The following ZMAT4 variants were observed in gnomAD, a reference collection of about 807,000 sequenced individuals.
The protein encoded by ZMAT4 is zinc finger matrin-type 4, also known as zinc finger matrin-type protein 4.
ZMAT4 carries 17 observed loss-of-function variants against 28.7 expected under a neutral mutation model. That is an observed-to-expected ratio of 0.59 (90% CI 0.41 to 0.89). The LOEUF is 0.89. Among genes scored for constraint, ZMAT4 ranks in the 40% least tolerant of loss-of-function variants. The probability of loss-of-function intolerance (pLI) is 0.00; values close to 1 mark genes in which losing one functional copy is unlikely to be tolerated. For missense variants in ZMAT4, 240 were observed against 283.8 expected (o/e 0.85, Z 1.11); for synonymous variants, 117 against 109.2 (o/e 1.07, Z -0.44).
chr8:40,694,030 C>G (rs187911990), intron 4 of ZMAT4, among the ~76,000 whole-genome samples: 13 of 152,212 alleles, frequency 8.5e-5, no homozygotes, highest in Admixed American at 3.9e-4. Context: ...GTTTCTCTTA[C>G]ATCTTGATTC....
At chr8:40,645,965 G>A (rs987684345) in intron 5 of ZMAT4, among the ~76,000 whole-genome samples, 1 of 151,886 alleles carries the variant, frequency 6.6e-6, no homozygotes, top group African/African-American at 2.4e-5. Flanking sequence ...TCCTTATTGT[G>A]AGTTATTCAC....
rs560773099 is a variant in ZMAT4, at chr8:40,842,413, C to T, written c.-4-16733G>A. On this transcript the variant is annotated intron_variant, in intron 1 of 6. Transcript: ENST00000297737. ...GGGTCTTGTAATCCTTATTAAAGCACTCCAGTTATCTTCCAGTTATCTTTC... is the reference window on the plus strand; with the variant it reads ...GGGTCTTGTAATCCTTATTAAAGCATTCCAGTTATCTTCCAGTTATCTTTC... 1.8e-4 allele frequency among the ~76,000 whole-genome samples: 27 copies of T among 152,372 alleles called. 1 individual carries two copies. Among genetic ancestry groups the T allele is most frequent in the Non-Finnish European group, 2.9e-4 (20 of 68,044 alleles).
chr8:40,858,133 G>A (rs192435736), intron 1 of ZMAT4, among the ~76,000 whole-genome samples: 5 of 152,216 alleles, frequency 3.3e-5, no homozygotes, highest in African/African-American at 7.2e-5. Flanking sequence ...GCGTTTTATC[G>A]TATGCTTTAA....
At chr8:40,565,270 T>G (rs1316350541) in intron 6 of ZMAT4, among the ~76,000 whole-genome samples, 2 of 152,136 alleles carry the variant, frequency 1.3e-5, no homozygotes, top group Admixed American at 1.3e-4. Context: ...CCAGAAAATA[T>G]GAGTTTCTAA....
chr8:40,623,901 T>G (rs1335607962), intron 5 of ZMAT4, among the ~76,000 whole-genome samples: 1 of 152,122 alleles, frequency 6.6e-6, no homozygotes, highest in Non-Finnish European at 1.5e-5. Flanking sequence ...TGGCCCTTTG[T>G]CCCTGGATCC....
At position 40,540,098 on chromosome 8, in the gene ZMAT4, G is replaced by A. The variant is rs191943775; in HGVS notation, c.675-7860C>T. The stretch of plus-strand genomic sequence containing the variant: ...AGCTCAGTTGAGTGAACACATCAGC[G>A]TGATGAGGGAGTATTGTGTCTTGAT... On this transcript the variant is annotated intron_variant, in intron 6 of 6. Transcript: ENST00000297737. Among the ~76,000 whole-genome samples, 185 of 152,296 alleles carry A rather than the reference G, an allele frequency of 1.2e-3. 2 individuals carry two copies. In the South Asian group the frequency reaches 0.025, roughly 20 times the overall value.
At chr8:40,606,894 AT>A (rs202012998) in intron 5 of ZMAT4, among the ~76,000 whole-genome samples, 1 of 151,982 alleles carries the variant, frequency 6.6e-6, no homozygotes, top group Admixed American at 6.6e-5. Flanking sequence ...GGCTTTGTTC[AT>A]TTTTTTAAAA....
intron 3 of ZMAT4, among the ~76,000 whole-genome samples, chr8:40,737,265 T>A (rs1026279724): frequency 6.6e-6 from 1 of 152,138 alleles, no homozygotes; most frequent in Non-Finnish European, 1.5e-5. Context: ...GTAGTTTATG[T>A]GTGGTCCAAG....
chr8:40,607,387 C>T (rs1470069894), intron 5 of ZMAT4, among the ~76,000 whole-genome samples: 1 of 152,082 alleles, frequency 6.6e-6, no homozygotes, highest in Non-Finnish European at 1.5e-5. Context: ...CACTCAGCCT[C>T]CCAAAGTACT....
At chr8:40,773,698 G>A (rs911524577) in intron 2 of ZMAT4, among the ~76,000 whole-genome samples, 1 of 152,090 alleles carries the variant, frequency 6.6e-6, no homozygotes, top group Non-Finnish European at 1.5e-5. Context: ...TTGAGATAAG[G>A]TATTAGGGTC....
intron 3 of ZMAT4, among the ~76,000 whole-genome samples, chr8:40,761,501 T>C (rs1812935851): frequency 6.6e-6 from 1 of 152,080 alleles, no homozygotes; most frequent in Admixed American, 6.5e-5. Context: ...GAAGCCATTG[T>C]TAAGCACTCC....
At chr8:40,629,658 T>C (rs1452303266) in intron 5 of ZMAT4, among the ~76,000 whole-genome samples, 2 of 150,336 alleles carry the variant, frequency 1.3e-5, no homozygotes, top group African/African-American at 4.9e-5. Context: ...CATGCGGTGT[T>C]TGGTTTTTTG....
chr8:40,851,426 T>C (rs991969902), intron 1 of ZMAT4, among the ~76,000 whole-genome samples: 1 of 152,198 alleles, frequency 6.6e-6, no homozygotes, highest in East Asian at 1.9e-4. Context: ...GGATATATAA[T>C]AGAAAAACTA....
chr8:40,641,673 T>G (rs1585800861), intron 5 of ZMAT4, among the ~76,000 whole-genome samples: 1 of 152,264 alleles, frequency 6.6e-6, no homozygotes, highest in African/African-American at 2.4e-5. Flanking sequence ...CTGCCCTCTT[T>G]TTTTATTCTT....
chr8:40,753,031 C>T (rs12676234), intron 3 of ZMAT4, among the ~76,000 whole-genome samples: 17,958 of 149,578 alleles, frequency 0.12, 1,569 homozygotes, highest in East Asian at 0.37. Flanking sequence ...TGTCCTAATG[C>T]TCTCCCTCCC....
At chr8:40,756,205 T>C (rs1206319676) in intron 3 of ZMAT4, among the ~76,000 whole-genome samples, 1 of 151,934 alleles carries the variant, frequency 6.6e-6, no homozygotes. Context: ...AAACATCAAG[T>C]TCTGTGTATT....
intron 3 of ZMAT4, among the ~76,000 whole-genome samples, chr8:40,756,457 T>TATATATATATATATATATATATAC (rs1278110013): frequency 1.8e-5 from 2 of 113,296 alleles, no homozygotes; most frequent in Non-Finnish European, 3.6e-5. Flanking sequence ...TATATATATA[T>TATATATATATATATATATATATAC]ACACACTTGT....
intron 5 of ZMAT4, among the ~76,000 whole-genome samples, chr8:40,600,611 G>T (rs533621151): frequency 5.9e-5 from 9 of 152,332 alleles, no homozygotes; most frequent in Non-Finnish European, 5.9e-5. Context: ...AGAGCAGTGA[G>T]TCACACTTGC....
intron 3 of ZMAT4, among the ~76,000 whole-genome samples, chr8:40,750,157 C>A (rs1319831286): frequency 6.6e-6 from 1 of 152,034 alleles, no homozygotes; most frequent in Non-Finnish European, 1.5e-5. Flanking sequence ...ATAAATGTAT[C>A]TTGTATTTTA....
Sources: gnomAD v4.1 joint callset for allele counts (sites outside exome capture counted in the v4.1 genomes callset) on GRCh38, gnomAD v4.1.1 for gene constraint, MANE v1.5 for transcripts, NCBI Gene and HGNC (gene_info 2026-07-23, HGNC 2026-07-21) for gene names.